PPP2R2C: variants seen among roughly 807,000 people sequenced by gnomAD.
The protein encoded by PPP2R2C is protein phosphatase 2, regulatory subunit B, gamma.
A neutral mutation model predicts 45.3 loss-of-function variants in PPP2R2C; 10 were observed. That is an observed-to-expected ratio of 0.22 (90% CI 0.14 to 0.37). PPP2R2C has a LOEUF of 0.37. Ranked by LOEUF, PPP2R2C falls within the 10% of genes least tolerant of loss-of-function variation. The pLI, the probability that PPP2R2C is intolerant of heterozygous loss-of-function variation, is 1.00. For synonymous variants in PPP2R2C, 257 were observed against 245.4 expected (o/e 1.05, Z -0.44); for missense variants, 308 against 619.7 (o/e 0.50, Z 5.34).
intron 1 of PPP2R2C, among the ~76,000 whole-genome samples, chr4:6,403,522 G>T (rs1156229887): frequency 1.3e-5 from 2 of 152,188 alleles, no homozygotes; most frequent in African/African-American, 4.8e-5. Context: ...GCCTTCCCTG[G>T]CCTCCCCTGG....
intron 7 of PPP2R2C, 86 bp downstream of exon 7, chr4:6,333,476 C>T (rs10937722): frequency 0.57 from 832,433 of 1,472,826 alleles, 239,984 homozygotes; most frequent in Middle Eastern, 0.6. Context: ...ATGAAAGCCA[C>T]GCCTGGCTAG....
At chr4:6,340,868 C>T (rs544006064) in intron 6 of PPP2R2C, among the ~76,000 whole-genome samples, 14 of 152,370 alleles carry the variant, frequency 9.2e-5, no homozygotes, top group Admixed American at 7.8e-4. Context: ...GACCTCACCT[C>T]CTCTCTCCAG....
intron 6 of PPP2R2C, among the ~76,000 whole-genome samples, chr4:6,341,327 A>G (rs1733425016): frequency 1.4e-5 from 2 of 140,770 alleles, no homozygotes; most frequent in South Asian, 4.7e-4. Flanking sequence ...CAATAGAATG[A>G]GACTCCATTT....
chr4:6,517,054 C>T (rs1015179902), intron 2 of PPP2R2C, among the ~76,000 whole-genome samples: 2 of 152,192 alleles, frequency 1.3e-5, no homozygotes, highest in African/African-American at 2.4e-5. Flanking sequence ...GCCCACACTC[C>T]CAGGAATAAC....
At chr4:6,361,702 G>A (rs890477701) in intron 5 of PPP2R2C, among the ~76,000 whole-genome samples, 1 of 152,224 alleles carries the variant, frequency 6.6e-6, no homozygotes, top group African/African-American at 2.4e-5. Context: ...GAGGGTCTGT[G>A]GTGAATGGCA....
intron 1 of PPP2R2C, among the ~76,000 whole-genome samples, chr4:6,454,798 C>T (rs190624403): frequency 5.9e-5 from 9 of 152,322 alleles, no homozygotes; most frequent in East Asian, 3.9e-4. Flanking sequence ...GATGTGCAAA[C>T]GCGATGTCAT....
intron 2 of PPP2R2C, among the ~76,000 whole-genome samples, chr4:6,526,946 C>T (rs1724227085): frequency 6.6e-6 from 1 of 152,146 alleles, no homozygotes; most frequent in African/African-American, 2.4e-5. Context: ...CACCCTCGCA[C>T]TCCAGCCCCG....
At chr4:6,377,714 G>A (rs997328438) in intron 3 of PPP2R2C, among the ~76,000 whole-genome samples, 4 of 152,160 alleles carry the variant, frequency 2.6e-5, no homozygotes, top group African/African-American at 7.2e-5. Context: ...CAGGCTGCCT[G>A]GGTCCGCAGG....
intron 1 of PPP2R2C, among the ~76,000 whole-genome samples, chr4:6,392,031 T>G (rs1222037909): frequency 6.6e-6 from 1 of 152,188 alleles, no homozygotes; most frequent in Non-Finnish European, 1.5e-5. Context: ...GTCATTCAAT[T>G]AGTCATTCAA....
At chr4:6,342,079 GATACACACAC>G (rs1405310721) in intron 6 of PPP2R2C, among the ~76,000 whole-genome samples, 4 of 86,432 alleles carry the variant, frequency 4.6e-5, no homozygotes, top group African/African-American at 1.6e-4. Flanking sequence ...GATCTGCCAC[GATACACACAC>G]ACACACACAC....
Position 6,472,404 on chromosome 4 carries a change from G to C in PPP2R2C, c.-175C>G. The C allele has an allele frequency of 1.1e-6, 1 of 871,006 alleles. No individual in the cohort carries two copies. The highest frequency in any genetic ancestry group is 1.4e-6 in the Non-Finnish European group (1 of 727,128). The allele number at this position is 871,006 out of a possible 1,614,324, so 54.0% of individuals were successfully genotyped here. Reference sequence around the variant, plus strand: ...GACGGGCGGGGGCGGCCGGGGGCGGGCGCCGCGGTCAAGCGAGCGCGCGGT... The same window carrying C: ...GACGGGCGGGGGCGGCCGGGGGCGGCCGCCGCGGTCAAGCGAGCGCGCGGT... On this transcript the variant is annotated 5_prime_UTR_variant, in exon 1 of 9. Transcript: ENST00000382599.
chr4:6,336,255 C>A (rs1732837274), intron 6 of PPP2R2C, among the ~76,000 whole-genome samples: 1 of 152,112 alleles, frequency 6.6e-6, no homozygotes, highest in Non-Finnish European at 1.5e-5. Flanking sequence ...AATCTCCCTC[C>A]ATCGTTCACA....
At position 6,543,015 on chromosome 4, in the gene PPP2R2C, C is replaced by T. The variant is rs202188961; in HGVS notation, c.-58-7638G>A. The stretch of plus-strand genomic sequence containing the variant: ...TTTCAAAGAACAGAAGCATGTTTGG[C>T]CAACAGAGTGGACTCAGAGAGGGGC... On this transcript the variant is annotated intron_variant, in intron 1 of 9. Coordinates refer to the PPP2R2C transcript ENST00000506140. Among the ~76,000 whole-genome samples the T allele has an allele frequency of 3.9e-5, 6 of 152,206 alleles. No individual in the cohort carries two copies. In the East Asian group the frequency reaches 1.2e-3, roughly 29 times the overall value.
chr4:6,419,083 T>A (rs754031057), intron 1 of PPP2R2C, among the ~76,000 whole-genome samples: 1 of 152,236 alleles, frequency 6.6e-6, no homozygotes, highest in Non-Finnish European at 1.5e-5. Context: ...GAGCTAAGAA[T>A]GTTTTCTGCA....
intron 1 of PPP2R2C, among the ~76,000 whole-genome samples, chr4:6,443,444 T>A (rs1191576550): frequency 2.0e-5 from 3 of 152,210 alleles, no homozygotes; most frequent in African/African-American, 4.8e-5. Flanking sequence ...CAGAGGGACC[T>A]GGGTGTCCTC....
At chr4:6,369,703 G>A (rs1215595990) in intron 5 of PPP2R2C, among the ~76,000 whole-genome samples, 11 of 152,146 alleles carry the variant, frequency 7.2e-5, no homozygotes, top group Non-Finnish European at 1.6e-4. Context: ...GCCTCCTCGA[G>A]CCCAGGGAGC....
chr4:6,383,472 C>G lies in PPP2R2C; in HGVS notation c.71-2378G>C. 9.4e-6 allele frequency: 12 copies of G among 1,279,896 alleles called. No homozygotes were observed. The South Asian group carries it at 1.5e-4, about 16-fold the overall frequency. 79.3% of individuals were successfully genotyped at this position (1,279,896 alleles called of 1,614,324 possible). On this transcript the variant is annotated intron_variant, in intron 1 of 8. Transcript: ENST00000382599. ...CCCTCCAAACACCAGGCTCCTTGCCCTTTCCCAAAAGTCCTGGCCACCTGC... is the reference window on the plus strand; with the variant it reads ...CCCTCCAAACACCAGGCTCCTTGCCGTTTCCCAAAAGTCCTGGCCACCTGC...
intron 1 of PPP2R2C, among the ~76,000 whole-genome samples, chr4:6,400,777 A>C: frequency 6.6e-6 from 1 of 152,380 alleles, no homozygotes; most frequent in Admixed American, 6.5e-5. Context: ...GGAGAAGTTA[A>C]GGTTGGCCAA....
Position 6,414,070 on chromosome 4 carries a change from CTGTGTATGTGTGTGTGTGTGTGTG to C in PPP2R2C, c.71-33000_71-32977del, listed in dbSNP as rs1264892741. ...CATGGGACAGTAACATAAGTTTTGC[CTGTGTATGTGTGTGTGTGTGTGTG>C]TGTGTGTGTGTGTGTGTGTGTGTGT... On this transcript the variant is annotated intron_variant, in intron 1 of 8. Transcript: ENST00000382599. The C allele has an allele frequency of 1.2e-5, 15 of 1,202,502 alleles. No individual in the cohort carries two copies. In the African/African-American group the frequency reaches 1.4e-4, roughly 11 times the overall value. The allele number at this position is 1,202,502 out of a possible 1,614,324, so 74.5% of individuals were successfully genotyped here. A position where few individuals can be genotyped will look rare whatever the true frequency, so the allele number is the denominator to read the frequency against.
Sources: allele counts gnomAD v4.1 joint callset (sites outside exome capture counted in the v4.1 genomes callset), GRCh38; gene constraint gnomAD v4.1.1; transcripts MANE v1.5; gene names NCBI Gene and HGNC (gene_info 2026-07-23, HGNC 2026-07-21).